EBF3: variants seen among roughly 807,000 people sequenced by gnomAD.
EBF3 encodes the protein EBF transcription factor 3.
EBF3 carries 18 observed loss-of-function variants against 77.1 expected under a neutral mutation model. That is an observed-to-expected ratio of 0.23 (90% CI 0.16 to 0.35). The LOEUF is 0.35. EBF3 is among the 10% of genes least tolerant of loss of function. The pLI is 1.00. For synonymous variants in EBF3, 350 were observed against 343.5 expected (o/e 1.02, Z -0.21); for missense variants, 558 against 860.0 (o/e 0.65, Z 4.39).
At chr10:129,855,898 A>T (rs962469738) in intron 10 of EBF3, among the ~76,000 whole-genome samples, 2 of 152,228 alleles carry the variant, frequency 1.3e-5, no homozygotes, top group Admixed American at 6.5e-5. Flanking sequence ...TGCACACTTT[A>T]AACCAGCGGA....
intron 6 of EBF3, among the ~76,000 whole-genome samples, chr10:129,924,836 T>A (rs1360247485): frequency 1.3e-5 from 2 of 151,084 alleles, no homozygotes; most frequent in Non-Finnish European, 3.0e-5. Context: ...CTGGCTAATT[T>A]AAAAAAAAAA....
chr10:129,959,021 A>T lies in EBF3; in HGVS notation c.412-14T>A. ...GTAGACGATGGCCTGCGCGAGGGACAAGCAGAGGCTGGGGTTACGCGGCGC... is the reference window on the plus strand; with the variant it reads ...GTAGACGATGGCCTGCGCGAGGGACTAGCAGAGGCTGGGGTTACGCGGCGC... On this transcript the variant is annotated splice_polypyrimidine_tract_variant and intron_variant, in intron 4 of 16. Transcript: ENST00000440978. 6.3e-7 allele frequency: 1 copy of T among 1,597,112 alleles called. No homozygotes were observed. The highest frequency in any genetic ancestry group is 8.5e-7 in the Non-Finnish European group (1 of 1,173,278).
At chr10:129,901,484 C>T (rs185361584) in intron 6 of EBF3, among the ~76,000 whole-genome samples, 27 of 152,336 alleles carry the variant, frequency 1.8e-4, no homozygotes, top group African/African-American at 4.3e-4. Flanking sequence ...TAACTGCACA[C>T]ACCACTTCAG....
chr10:129,853,455 TTG>T (rs1167988773), intron 10 of EBF3, among the ~76,000 whole-genome samples: 1 of 152,212 alleles, frequency 6.6e-6, no homozygotes, highest in Non-Finnish European at 1.5e-5. Context: ...AATCATGCAT[TTG>T]TCATAACGCA....
At chr10:129,874,519 A>G (rs986875734) in intron 7 of EBF3, among the ~76,000 whole-genome samples, 9 of 152,176 alleles carry the variant, frequency 5.9e-5, no homozygotes, top group African/African-American at 2.2e-4. Context: ...AGCTTTCTTT[A>G]ACAGAGGTGG....
chr10:129,839,035 C>T (rs780806796), intron 16 of EBF3, 48 bp downstream of exon 16: 1 of 1,302,306 alleles, frequency 7.7e-7, no homozygotes, highest in African/African-American at 1.5e-5. Context: ...GGCGTCCCTT[C>T]ATACGCTAAC....
intron 10 of EBF3, among the ~76,000 whole-genome samples, chr10:129,851,343 C>T (rs1214007187): frequency 1.3e-5 from 2 of 152,094 alleles, no homozygotes; most frequent in African/African-American, 4.8e-5. Flanking sequence ...TTTGTGGGTC[C>T]TCCCCCCACC....
chr10:129,893,495 CTG>C (rs960416622), intron 6 of EBF3, among the ~76,000 whole-genome samples: 2 of 152,088 alleles, frequency 1.3e-5, no homozygotes, highest in South Asian at 2.1e-4. Context: ...TTAATGAAAA[CTG>C]TCAATTTTTG....
At chr10:129,908,874 TA>T (rs1309128660) in intron 6 of EBF3, among the ~76,000 whole-genome samples, 2 of 152,212 alleles carry the variant, frequency 1.3e-5, no homozygotes, top group Non-Finnish European at 2.9e-5. Context: ...GTATGGCCCA[TA>T]AGTCGACTCT....
At chr10:129,858,116 C>T (rs1322757906) in intron 10 of EBF3, among the ~76,000 whole-genome samples, 1 of 152,188 alleles carries the variant, frequency 6.6e-6, no homozygotes, top group Admixed American at 6.5e-5. Context: ...CACAGCAAAG[C>T]CAGGGCATGG....
chr10:129,954,017 A>G (rs1858860315), intron 6 of EBF3, among the ~76,000 whole-genome samples: 1 of 152,208 alleles, frequency 6.6e-6, no homozygotes, highest in Non-Finnish European at 1.5e-5. Flanking sequence ...GTTTTCCCAG[A>G]AAACATTATT....
chr10:129,877,826 T>C lies in EBF3; in HGVS notation c.578A>G (p.Lys193Arg). ...ATTCTTCAAACAGTTCTGATTGCAC[T>C]TGAGGAAAAACTTTAGAAAGAATCT... Reference protein sequence around the residue: ...IDRFFLKFFLKCNQNCLKNAG... With the variant: ...IDRFFLKFFLRCNQNCLKNAG... Residue 193 changes from lysine (K) to arginine (R), a missense_variant, in exon 7 of 17, where the codon AAG (lysine) becomes AGG (arginine). By Grantham distance (26) the Lys-to-Arg change is conservative (BLOSUM62 2). Around this residue, in one of 5 missense-constraint regions of EBF3, gnomAD observed 14 missense variants for 87.3 expected, o/e 0.16. Transcript: ENST00000440978. The C allele has an allele frequency of 6.2e-7, 1 of 1,613,482 alleles. No homozygotes were observed. Among genetic ancestry groups the C allele is most frequent in the Non-Finnish European group, 8.5e-7 (1 of 1,179,786 alleles).
At chr10:129,915,451 CGCGCACACAT>C (rs1855809687) in intron 6 of EBF3, among the ~76,000 whole-genome samples, 1 of 139,044 alleles carries the variant, frequency 7.2e-6, no homozygotes, top group African/African-American at 2.8e-5. Context: ...CCCATGCATG[CGCGCACACAT>C]GCACACACAC....
chr10:129,857,303 C>T (rs767286479), intron 10 of EBF3, among the ~76,000 whole-genome samples: 10 of 152,166 alleles, frequency 6.6e-5, no homozygotes, highest in Admixed American at 1.3e-4. Flanking sequence ...ATAGGGGTTC[C>T]CAAATGCCAA....
At chr10:129,955,544 C>A (rs577766848) in intron 6 of EBF3, among the ~76,000 whole-genome samples, 113 of 152,214 alleles carry the variant, frequency 7.4e-4, no homozygotes, top group African/African-American at 2.6e-3. Flanking sequence ...AACATTCAGA[C>A]GAGAATTAAG....
chr10:129,843,122 C>T lies in EBF3; in HGVS notation c.1194+15G>A. The T allele has an allele frequency of 6.2e-7, 1 of 1,610,570 alleles. No individual in the cohort carries two copies. The highest frequency in any genetic ancestry group is 8.5e-7 in the Non-Finnish European group (1 of 1,177,810). ...TGGGGGGGAGGATGGGCGAGGGGAG[C>T]CGCCCTCCACCTACCTGGTTGTTGT... On this transcript the variant is annotated intron_variant, in intron 12 of 16. Coordinates refer to ENST00000440978, the MANE Select transcript of EBF3 (RefSeq NM_001375380.1).
At chr10:129,896,343 T>C (rs971557956) in intron 6 of EBF3, among the ~76,000 whole-genome samples, 1 of 152,256 alleles carries the variant, frequency 6.6e-6, no homozygotes, top group African/African-American at 2.4e-5. Context: ...GATTCACTTA[T>C]TCTACTTGAA....
intron 8 of EBF3, among the ~76,000 whole-genome samples, chr10:129,871,352 G>C (rs1489724040): frequency 6.6e-6 from 1 of 152,142 alleles, no homozygotes; most frequent in Non-Finnish European, 1.5e-5. Context: ...CTTGCTTTTT[G>C]TGAGCTCAAA....
At chr10:129,950,407 G>C (rs936815280) in intron 6 of EBF3, among the ~76,000 whole-genome samples, 1 of 152,104 alleles carries the variant, frequency 6.6e-6, no homozygotes, top group African/African-American at 2.4e-5. Context: ...TGTTTTTAAG[G>C]GGAAGGGGAA....
Sources: allele counts gnomAD v4.1 joint callset (sites outside exome capture counted in the v4.1 genomes callset), GRCh38; gene constraint gnomAD v4.1.1; regional missense constraint gnomAD v4.1.1; transcripts MANE v1.5; gene names NCBI Gene and HGNC (gene_info 2026-07-23, HGNC 2026-07-21).